LRP6: variants seen among roughly 807,000 people sequenced by gnomAD.
The protein encoded by LRP6 is LDL receptor related protein 6, also known as low-density lipoprotein receptor-related protein 6.
LRP6 carries 43 observed loss-of-function variants against 184.1 expected under a neutral mutation model. The ratio of observed to expected loss-of-function variants is 0.23; its 90% confidence interval spans 0.18 to 0.30. LRP6 has a LOEUF of 0.30. LRP6 is among the 10% of genes least tolerant of loss of function. LRP6 has a pLI of 1.00. For synonymous variants in LRP6, 719 were observed against 684.9 expected (o/e 1.05, Z -0.78); for missense variants, 1,571 against 2,005.3 (o/e 0.78, Z 4.14).
Position 12,266,968 on chromosome 12 carries a change from G to GCCT in LRP6, c.-236_-234dup, listed in dbSNP as rs904853270. 1 of 540,878 alleles carries GCCT rather than the reference G, an allele frequency of 1.8e-6. No homozygotes were observed. The highest frequency in any genetic ancestry group is 2.0e-5 in the African/African-American group (1 of 49,020). 33.5% of individuals were successfully genotyped at this position (540,878 alleles called of 1,614,324 possible). On this transcript the variant is annotated 5_prime_UTR_variant, in exon 1 of 23. Coordinates refer to ENST00000261349, the MANE Select transcript of LRP6 (RefSeq NM_002336.3). The stretch of plus-strand genomic sequence containing the variant: ...CGCCAGCGTCTGCTTCCATCCCGCC[G>GCCT]CCTCCTCCCCCGGCGCCCCGCTTCC...
chr12:12,263,302 G>A (rs917949849), intron 1 of LRP6, among the ~76,000 whole-genome samples: 5 of 151,356 alleles, frequency 3.3e-5, no homozygotes, highest in Admixed American at 6.6e-5. Context: ...CTGGCCGGGC[G>A]TGGTGGCTCA....
intron 18 of LRP6, among the ~76,000 whole-genome samples, chr12:12,131,274 A>AT (rs1195035496): frequency 6.6e-6 from 1 of 151,696 alleles, no homozygotes; most frequent in Non-Finnish European, 1.5e-5. Flanking sequence ...GGCCCGGCTA[A>AT]TTTTTTTGTA....
intron 2 of LRP6, among the ~76,000 whole-genome samples, chr12:12,222,575 A>AAAAG (rs1002134140): frequency 4.1e-4 from 61 of 148,640 alleles, no homozygotes; most frequent in East Asian, 7.9e-4. Context: ...TCAAAAAAAA[A>AAAAG]AAAGAAAGAA....
intron 2 of LRP6, among the ~76,000 whole-genome samples, chr12:12,221,332 T>A (rs1258561575): frequency 6.6e-6 from 1 of 152,162 alleles, no homozygotes; most frequent in Non-Finnish European, 1.5e-5. Flanking sequence ...AACCCAATAA[T>A]CATCAATACA....
rs1048487460 is a variant in LRP6 at position 12,120,881 on chromosome 12, T to A, written c.*245A>T. On this transcript the variant is annotated 3_prime_UTR_variant, in exon 23 of 23. Transcript: ENST00000261349. ...TATTTAGTTTGCAAAAATAAAACTT[T>A]TAGTACAAATTTTTTTTATACAAAC... The A allele has an allele frequency of 5.5e-6, 2 of 360,472 alleles. No individual in the cohort carries two copies. Among genetic ancestry groups the A allele is most frequent in the Non-Finnish European group, 5.0e-6 (1 of 201,890 alleles). 22.3% of individuals were successfully genotyped at this position (360,472 alleles called of 1,614,324 possible).
At chr12:12,180,656 G>A (rs1214580964) in intron 6 of LRP6, among the ~76,000 whole-genome samples, 1 of 151,708 alleles carries the variant, frequency 6.6e-6, no homozygotes, top group Non-Finnish European at 1.5e-5. Flanking sequence ...CATGTATTTA[G>A]GGAAAAAAAA....
chr12:12,167,557 C>T (rs574373501), intron 7 of LRP6, among the ~76,000 whole-genome samples: 3 of 151,858 alleles, frequency 2.0e-5, no homozygotes, highest in South Asian at 2.1e-4. Flanking sequence ...GCAGGAGAAT[C>T]GCTTGAACCC....
In LRP6 at chr12:12,142,936, T is replaced by C. The variant is rs961080917; in HGVS notation, c.3398-4402A>G. On this transcript the variant is annotated intron_variant, in intron 15 of 22. Transcript: ENST00000261349. ...ACAAAAAAGGATTCTATTATCATCCTATTCAACACTGTACTGGGGGACCCC... is the reference window on the plus strand; with the variant it reads ...ACAAAAAAGGATTCTATTATCATCCCATTCAACACTGTACTGGGGGACCCC... 1.3e-5 allele frequency among the ~76,000 whole-genome samples: 2 copies of C among 152,084 alleles called. 1 individual carries two copies. Among genetic ancestry groups the C allele is most frequent in the South Asian group, 4.1e-4 (2 of 4,828 alleles).
chr12:12,119,987 C>CAAACAAACAAACAAACAAAAAAA lies in LRP6; in HGVS notation c.*1138_*1139insTTTTTTTGTTTGTTTGTTTGTTT, dbSNP rs567315765. 8.4e-4 allele frequency: 36 copies of CAAACAAACAAACAAACAAAAAAA among 42,930 alleles called. No individual in the cohort carries two copies. Among genetic ancestry groups the CAAACAAACAAACAAACAAAAAAA allele is most frequent in the Non-Finnish European group, 1.2e-3 (26 of 22,136 alleles). 2.7% of individuals were successfully genotyped at this position (42,930 alleles called of 1,614,324 possible). ...TTTACTCAGAAAACAAACAAACAAA[C>CAAACAAACAAACAAACAAAAAAA]AAAATATATATATATATATATATAT... On this transcript the variant is annotated 3_prime_UTR_variant, in exon 23 of 23. Transcript: ENST00000261349.
chr12:12,164,955 A>AAAAAAAAAAAAGG, intron 8 of LRP6, 124 bp downstream of exon 8: 1 of 528,566 alleles, frequency 1.9e-6, no homozygotes. Context: ...AAAAAAAAAA[A>AAAAAAAAAAAAGG]GGCGGGGGGG....
chr12:12,230,978 C>T (rs1395353313), intron 2 of LRP6, among the ~76,000 whole-genome samples: 1 of 151,452 alleles, frequency 6.6e-6, no homozygotes, highest in Admixed American at 6.6e-5. Flanking sequence ...GTCAGGAGTT[C>T]GCGACCAGCC....
At chr12:12,218,711 C>A (rs1483860980) in intron 2 of LRP6, among the ~76,000 whole-genome samples, 1 of 151,900 alleles carries the variant, frequency 6.6e-6, no homozygotes. Flanking sequence ...CACCTGTAAT[C>A]CCAGCTACAA....
chr12:12,187,179 G>A (rs966216501), intron 3 of LRP6, 60 bp from the exon 4 acceptor site: 58 of 1,360,750 alleles, frequency 4.3e-5, no homozygotes, highest in East Asian at 2.5e-5. Context: ...CTATCATAAC[G>A]TCACCTCTCC....
chr12:12,125,588 G>A (rs1949662189), intron 20 of LRP6, among the ~76,000 whole-genome samples, 156 bp from the exon 21 acceptor site: 1 of 152,144 alleles, frequency 6.6e-6, no homozygotes, highest in Admixed American at 6.5e-5. Flanking sequence ...ACATTTAATG[G>A]AGAAAGGAAA....
At chr12:12,240,668 T>C (rs547921532) in intron 2 of LRP6, among the ~76,000 whole-genome samples, 132 of 152,330 alleles carry the variant, frequency 8.7e-4, no homozygotes, top group African/African-American at 3.2e-3. Flanking sequence ...AATTGAATCA[T>C]TAAAGTTTAA....
chr12:12,261,197 G>A (rs527466098), intron 1 of LRP6, among the ~76,000 whole-genome samples: 1 of 152,246 alleles, frequency 6.6e-6, no homozygotes, highest in South Asian at 2.1e-4. Context: ...GAGGCGGGCG[G>A]ATCACGAGAT....
In LRP6 at chr12:12,156,477, T is replaced by C. The variant is rs546793660; in HGVS notation, c.2791+2352A>G. On this transcript the variant is annotated intron_variant, in intron 12 of 22. Coordinates refer to ENST00000261349, the MANE Select transcript of LRP6 (RefSeq NM_002336.3). ...GTTATGAAATGTGGGGTATAGGTCATGTAGGACCCAGTAGGCCATTATAAG... is the reference window on the plus strand; with the variant it reads ...GTTATGAAATGTGGGGTATAGGTCACGTAGGACCCAGTAGGCCATTATAAG... Among the ~76,000 whole-genome samples the C allele has an allele frequency of 1.3e-3, 198 of 152,328 alleles. 1 individual carries two copies. Among genetic ancestry groups the C allele is most frequent in the Non-Finnish European group, 2.2e-3 (152 of 68,022 alleles).
Position 12,212,710 on chromosome 12 carries a change from T to C in LRP6, c.450-9310A>G, listed in dbSNP as rs7135920. ...GTCACTCAAATCTGGAAGCTATATA[T>C]GCTTCACTGACTTTTTCATTAAATG... On this transcript the variant is annotated intron_variant, in intron 2 of 22. Transcript: ENST00000261349. 8.1e-3 allele frequency among the ~76,000 whole-genome samples: 1,231 copies of C among 152,358 alleles called. 16 individuals carry two copies. Among genetic ancestry groups the C allele is most frequent in the African/African-American group, 0.028 (1,170 of 41,598 alleles).
intron 15 of LRP6, chr12:12,138,877 C>T: frequency 7.3e-7 from 1 of 1,374,758 alleles, no homozygotes; most frequent in Non-Finnish European, 9.7e-7. Flanking sequence ...GTGGTGGACC[C>T]AGAGTTCTGA....
Sources: gnomAD v4.1 joint callset for allele counts (sites outside exome capture counted in the v4.1 genomes callset) on GRCh38, gnomAD v4.1.1 for gene constraint, MANE v1.5 for transcripts, NCBI Gene and HGNC (gene_info 2026-07-23, HGNC 2026-07-21) for gene names.